The following FANCC variants were observed in gnomAD, a reference collection of about 807,000 sequenced individuals.
FANCC encodes the protein Fanconi anemia group C protein.
In FANCC, 55 loss-of-function variants were observed where a neutral mutation model predicts 71.3. The observed-to-expected ratio is 0.77, with a 90% confidence interval of 0.62 to 0.97. The LOEUF (loss-of-function observed/expected upper bound fraction) is 0.97, where lower values mean the gene tolerates loss of function less well. Among genes scored for constraint, FANCC ranks in the 50% least tolerant of loss-of-function variants. FANCC has a pLI of 0.00. For synonymous variants in FANCC, 275 were observed against 244.9 expected (o/e 1.12, Z -1.15); for missense variants, 678 against 670.9 (o/e 1.01, Z -0.12).
At chr9:95,106,179 C>T (rs762300603) in intron 14 of FANCC, among the ~76,000 whole-genome samples, 7 of 152,122 alleles carry the variant, frequency 4.6e-5, no homozygotes, top group Admixed American at 2.0e-4. Context: ...CAGTGCATCT[C>T]GCTGCACTTT....
At chr9:95,108,344 G>C (rs1390899297) in intron 13 of FANCC, among the ~76,000 whole-genome samples, 1 of 152,242 alleles carries the variant, frequency 6.6e-6, no homozygotes, top group African/African-American at 2.4e-5. Context: ...AGCCTGCCGG[G>C]TCTGATGGTG....
intron 4 of FANCC, among the ~76,000 whole-genome samples, chr9:95,194,073 T>G (rs951977460): frequency 1.1e-4 from 16 of 151,542 alleles, no homozygotes; most frequent in African/African-American, 2.2e-4. Flanking sequence ...GAGGGTTGTG[T>G]TTTTTTTTAA....
Position 95,135,329 on chromosome 9 carries a change from C to G in FANCC, c.843+17G>C. ...CTCCTTCAAGGATTTTTCCCTTCAT[C>G]AAAACCCAGTACGTACCAGCGATGA... On this transcript the variant is annotated intron_variant, in intron 8 of 14. Transcript: ENST00000289081. 2 of 1,613,110 alleles carry G rather than the reference C, an allele frequency of 1.2e-6. No individual in the cohort carries two copies. The highest frequency in any genetic ancestry group is 1.7e-6 in the Non-Finnish European group (2 of 1,179,364).
chr9:95,249,356 G>C lies in FANCC; in HGVS notation c.-65C>G, dbSNP rs371725430. On this transcript the variant is annotated 5_prime_UTR_variant, in exon 2 of 15. Coordinates refer to ENST00000289081, the MANE Select transcript of FANCC (RefSeq NM_000136.3). ...CTGTCCAGCACTGAAGGAAATGGTC[G>C]GCACACATTAAATCTGTAAGAAAGG... is the stretch of plus-strand genomic sequence containing the variant. 11 of 1,492,140 alleles carry C rather than the reference G, an allele frequency of 7.4e-6. No homozygotes were observed. Among genetic ancestry groups the C allele is most frequent in the Non-Finnish European group, 9.3e-6 (10 of 1,073,014 alleles). The allele number at this position is 1,492,140 out of a possible 1,614,324, so 92.4% of individuals were successfully genotyped here.
At chr9:95,170,815 TGTATGTA>T (rs1367879434) in intron 6 of FANCC, among the ~76,000 whole-genome samples, 1 of 152,048 alleles carries the variant, frequency 6.6e-6, no homozygotes, top group Non-Finnish European at 1.5e-5. Flanking sequence ...CTCCCTACTG[TGTATGTA>T]GGGCTTTCTA....
At chr9:95,261,910 A>G (rs528920545) in intron 1 of FANCC, among the ~76,000 whole-genome samples, 7 of 152,286 alleles carry the variant, frequency 4.6e-5, no homozygotes, top group African/African-American at 1.7e-4. Context: ...AGGGGCTGGG[A>G]TAAAGTACCA....
intron 7 of FANCC, among the ~76,000 whole-genome samples, chr9:95,135,884 G>A (rs1827607230): frequency 6.6e-6 from 1 of 152,132 alleles, no homozygotes; most frequent in East Asian, 1.9e-4. Flanking sequence ...TCACAATAGG[G>A]ATGCGGACCT....
At chr9:95,155,246 G>GGAGGT (rs1830391324) in intron 6 of FANCC, among the ~76,000 whole-genome samples, 2 of 51,454 alleles carry the variant, frequency 3.9e-5, no homozygotes, top group African/African-American at 1.7e-4. Flanking sequence ...AAGAGAGAGG[G>GGAGGT]GAGGGGAGGG....
intron 5 of FANCC, 45 bp downstream of exon 5, chr9:95,171,992 A>G: frequency 8.7e-7 from 1 of 1,151,930 alleles, no homozygotes; most frequent in Non-Finnish European, 1.3e-6. Context: ...CTGATGGCAC[A>G]TTCAGCATTA....
At chr9:95,247,350 G>A (rs1412290809) in intron 3 of FANCC, 82 bp downstream of exon 3, 19 of 1,014,834 alleles carry the variant, frequency 1.9e-5, no homozygotes, top group African/African-American at 1.3e-4. Context: ...AAAACTAGGA[G>A]AAAGGTTCAT....
intron 7 of FANCC, among the ~76,000 whole-genome samples, chr9:95,148,649 T>A (rs1395699453): frequency 2.0e-5 from 3 of 152,194 alleles, no homozygotes; most frequent in Non-Finnish European, 4.4e-5. Context: ...TATGTCAATG[T>A]TTGGAAGATA....
chr9:95,234,347 G>A (rs1439245501), intron 4 of FANCC, among the ~76,000 whole-genome samples: 1 of 152,166 alleles, frequency 6.6e-6, no homozygotes, highest in Admixed American at 6.5e-5. Flanking sequence ...TTTGCTAATA[G>A]TAAACAAAAC....
At chr9:95,103,953 A>AAGAT (rs1037383470) in intron 14 of FANCC, among the ~76,000 whole-genome samples, 31 of 152,296 alleles carry the variant, frequency 2.0e-4, no homozygotes, top group African/African-American at 7.2e-4. Context: ...TCTGGATGCC[A>AAGAT]AGATAGAGGG....
chr9:95,160,202 A>G (rs1359465834), intron 6 of FANCC, among the ~76,000 whole-genome samples: 1 of 152,000 alleles, frequency 6.6e-6, no homozygotes, highest in African/African-American at 2.4e-5. Context: ...ATTAATTTTT[A>G]TATAAGGTGT....
intron 6 of FANCC, among the ~76,000 whole-genome samples, chr9:95,155,891 G>GT (rs1564703706): frequency 1.3e-3 from 45 of 34,758 alleles, no homozygotes; most frequent in South Asian, 3.8e-3. Flanking sequence ...GCTTTTTTTG[G>GT]GTTTTTTTTT....
chr9:95,207,330 C>T (rs371870414), intron 4 of FANCC, among the ~76,000 whole-genome samples: 11 of 152,258 alleles, frequency 7.2e-5, no homozygotes, highest in Admixed American at 6.5e-4. Context: ...GTCAAAACAA[C>T]CAAAAAATCA....
chr9:95,263,426 T>C (rs1272492478), intron 1 of FANCC, among the ~76,000 whole-genome samples: 1 of 151,860 alleles, frequency 6.6e-6, no homozygotes, highest in East Asian at 1.9e-4. Context: ...TCAGGGCCCA[T>C]TTACATCCTT....
At chr9:95,296,955 T>C (rs925877233) in intron 1 of FANCC, among the ~76,000 whole-genome samples, 1 of 152,228 alleles carries the variant, frequency 6.6e-6, no homozygotes. Context: ...AAAATCTCTT[T>C]CATTTCAAAC....
intron 13 of FANCC, chr9:95,110,377 T>A (rs2071820571): frequency 2.0e-6 from 2 of 1,023,264 alleles, no homozygotes; most frequent in Non-Finnish European, 2.3e-6. Context: ...AAAAACCATA[T>A]GTGCCCCGTA....
Sources: allele counts gnomAD v4.1 joint callset (sites outside exome capture counted in the v4.1 genomes callset), GRCh38; gene constraint gnomAD v4.1.1; transcripts MANE v1.5; gene names NCBI Gene and HGNC (gene_info 2026-07-23, HGNC 2026-07-21).